Variants in ZNF605 observed in about 807,000 individuals in gnomAD.
The protein encoded by ZNF605 is zinc finger protein 605.
A neutral mutation model predicts 7.9 loss-of-function variants in ZNF605; 9 were observed. That is an observed-to-expected ratio of 1.14 (90% CI 0.68 to 1.98). The LOEUF is 1.98. ZNF605 is among the 30% of genes most tolerant of loss of function. ZNF605 has a pLI of 0.00. For missense variants in ZNF605, 673 were observed against 762.4 expected (o/e 0.88, Z 1.38); for synonymous variants, 255 against 260.1 (o/e 0.98, Z 0.19).
At chr12:132,932,656 C>A in intron 4 of ZNF605, 1 of 1,169,398 alleles carries the variant, frequency 8.6e-7, no homozygotes, top group South Asian at 1.5e-5. Context: ...GCCCACCTGT[C>A]ATCAAAAACC....
chr12:132,953,549 C>G (rs1952596187), intron 1 of ZNF605, among the ~76,000 whole-genome samples: 1 of 152,148 alleles, frequency 6.6e-6, no homozygotes, highest in African/African-American at 2.4e-5. Flanking sequence ...GCCTCAGCCT[C>G]CTGAGTAGGT....
In ZNF605 at chr12:132,938,989, G is replaced by A. The variant is rs768775242; in HGVS notation, c.16-5834C>T. The stretch of plus-strand genomic sequence containing the variant: ...CTCACCGAGCCTTAGCTGCCTCCCC[G>A]CGGGGCAGGGCTGGGCACCTGCAGC... On this transcript the variant is annotated intron_variant, in intron 3 of 4. Coordinates refer to ENST00000360187, the MANE Select transcript of ZNF605 (RefSeq NM_183238.4). Among the ~76,000 whole-genome samples, 29 of 151,782 alleles carry A rather than the reference G, an allele frequency of 1.9e-4. 1 individual carries two copies. The highest frequency in any genetic ancestry group is 3.9e-4 in the East Asian group (2 of 5,176).
chr12:132,949,028 G>A (rs1406210029), intron 1 of ZNF605, among the ~76,000 whole-genome samples: 4 of 152,084 alleles, frequency 2.6e-5, no homozygotes, highest in Non-Finnish European at 5.9e-5. Context: ...TTGGGGGAAA[G>A]GCTTATGGGG....
At chr12:132,945,281 C>A in intron 3 of ZNF605, 1 of 822,038 alleles carries the variant, frequency 1.2e-6, no homozygotes, top group Non-Finnish European at 2.0e-6. Flanking sequence ...TTGTATGTTT[C>A]TATAATCTAC....
chr12:132,946,553 A>C (rs1952496027), intron 2 of ZNF605, among the ~76,000 whole-genome samples: 1 of 152,222 alleles, frequency 6.6e-6, no homozygotes, highest in Non-Finnish European at 1.5e-5. Context: ...AATCAGCAGT[A>C]ACAGCCCAGC....
At chr12:132,931,919 A>C (rs1449084046) in intron 4 of ZNF605, among the ~76,000 whole-genome samples, 1 of 152,118 alleles carries the variant, frequency 6.6e-6, no homozygotes, top group Non-Finnish European at 1.5e-5. Context: ...ACTATGTTTA[A>C]GGTATTAGGG....
intron 3 of ZNF605, among the ~76,000 whole-genome samples, chr12:132,937,017 C>A (rs777635190): frequency 3.3e-5 from 5 of 152,126 alleles, no homozygotes; most frequent in Admixed American, 1.3e-4. Context: ...AAGAAAATAA[C>A]CTCATTTTAA....
At chr12:132,954,245 C>T (rs1019848943) in intron 1 of ZNF605, among the ~76,000 whole-genome samples, 6 of 148,582 alleles carry the variant, frequency 4.0e-5, no homozygotes, top group Non-Finnish European at 7.4e-5. Flanking sequence ...ACCAGCACCC[C>T]CAAAGCCCCA....
chr12:132,939,155 T>C (rs1952403827), intron 3 of ZNF605, among the ~76,000 whole-genome samples: 3 of 152,090 alleles, frequency 2.0e-5, no homozygotes, highest in Admixed American at 6.5e-5. Context: ...AGCGCAGGAC[T>C]GGCAGGCAGC....
chr12:132,943,884 G>A (rs1593597629), intron 3 of ZNF605, among the ~76,000 whole-genome samples: 2 of 152,124 alleles, frequency 1.3e-5, no homozygotes, highest in African/African-American at 2.4e-5. Context: ...ATTGCCGGGA[G>A]GTGAGGTATT....
rs917261974 is a variant in ZNF605 at position 132,921,683 on chromosome 12, T to C, written c.*3690A>G. On this transcript the variant is annotated 3_prime_UTR_variant, in exon 5 of 5. Transcript: ENST00000360187. ...CTGGCATTGTCGGAAATAGAAAACA[T>C]GTATAAAAATCTTCGAAATGCAGGT... The C allele has an allele frequency of 5.3e-5, 8 of 152,242 alleles. No individual in the cohort carries two copies. Among genetic ancestry groups the C allele is most frequent in the African/African-American group, 1.9e-4 (8 of 41,524 alleles). The allele number at this position is 152,242 out of a possible 1,614,324, so 9.4% of individuals were successfully genotyped here. A position where few individuals can be genotyped will look rare whatever the true frequency, so the allele number is the denominator to read the frequency against.
chr12:132,945,892 G>A, intron 2 of ZNF605, 95 bp from the exon 3 acceptor site: 1 of 613,070 alleles, frequency 1.6e-6, no homozygotes, highest in South Asian at 2.0e-5. Flanking sequence ...ATTATTTAAA[G>A]TCTCGAACTA....
intron 1 of ZNF605, among the ~76,000 whole-genome samples, chr12:132,954,797 C>G (rs1489526057): frequency 6.6e-6 from 1 of 152,036 alleles, no homozygotes; most frequent in Non-Finnish European, 1.5e-5. Flanking sequence ...CCGCAGGCCC[C>G]TCCAATGACG....
chr12:132,926,000 C>T lies in ZNF605; in HGVS notation c.1299G>A (p.Lys433=). ...CIQCGKTFFG[K]SQLLTHHRTH... The stretch of plus-strand genomic sequence containing the variant: ...TTCTGTGATGCGTTAGGAGCTGGGA[C>T]TTCCCAAAGAAGGTTTTCCCACATT... The change falls in exon 5 of 5, where the codon AAG becomes AAA. Residue 433 remains lysine (K), a synonymous_variant. Transcript: ENST00000360187. 2 of 1,614,178 alleles carry T rather than the reference C, an allele frequency of 1.2e-6. No homozygotes were observed. Among genetic ancestry groups the T allele is most frequent in the Non-Finnish European group, 1.7e-6 (2 of 1,180,034 alleles).
chr12:132,951,995 C>CAT (rs1346905600), intron 1 of ZNF605, among the ~76,000 whole-genome samples: 3 of 152,072 alleles, frequency 2.0e-5, no homozygotes, highest in African/African-American at 7.2e-5. Context: ...CACACACACA[C>CAT]AGTCTCATTT....
At position 132,924,920 on chromosome 12, in the gene ZNF605, G is replaced by T. The variant is rs1952232109; in HGVS notation, c.*453C>A. On this transcript the variant is annotated 3_prime_UTR_variant, in exon 5 of 5. Coordinates refer to ENST00000360187, the MANE Select transcript of ZNF605 (RefSeq NM_183238.4). ...TACAGAACTATTTCAATAGCATCAT[G>T]CTTGTCAAATTCTTTACATTATTGA... 6.5e-6 allele frequency: 1 copy of T among 154,244 alleles called. No individual in the cohort carries two copies. Among genetic ancestry groups the T allele is most frequent in the Admixed American group, 6.5e-5 (1 of 15,366 alleles). 9.6% of individuals were successfully genotyped at this position (154,244 alleles called of 1,614,324 possible).
At chr12:132,944,176 C>T (rs921966989) in intron 3 of ZNF605, among the ~76,000 whole-genome samples, 2 of 152,002 alleles carry the variant, frequency 1.3e-5, no homozygotes, top group Admixed American at 6.6e-5. Context: ...TCCTGCTTTC[C>T]GGAATGCCCT....
In ZNF605 at chr12:132,919,073, C is replaced by T. The variant is rs1349182147; in HGVS notation, c.*6300G>A. ...GGGGACGAATCTACACTAGACCTGCCTGGCTGCAGTGGTAACACTCCATTG... is the reference window on the plus strand; with the variant it reads ...GGGGACGAATCTACACTAGACCTGCTTGGCTGCAGTGGTAACACTCCATTG... On this transcript the variant is annotated 3_prime_UTR_variant, in exon 5 of 5. Coordinates refer to ENST00000360187, the MANE Select transcript of ZNF605 (RefSeq NM_183238.4). 6.6e-6 allele frequency: 1 copy of T among 152,296 alleles called. No individual in the cohort carries two copies. The highest frequency in any genetic ancestry group is 2.4e-5 in the African/African-American group (1 of 41,464). The allele number at this position is 152,296 out of a possible 1,614,324, so 9.4% of individuals were successfully genotyped here.
chr12:132,950,562 C>T (rs1237886676), intron 1 of ZNF605, among the ~76,000 whole-genome samples: 1 of 150,900 alleles, frequency 6.6e-6, no homozygotes, highest in African/African-American at 2.4e-5. Context: ...TACACCCGTA[C>T]ATCACACACA....
Sources: allele counts gnomAD v4.1 joint callset (sites outside exome capture counted in the v4.1 genomes callset), GRCh38; gene constraint gnomAD v4.1.1; transcripts MANE v1.5; gene names NCBI Gene and HGNC (gene_info 2026-07-23, HGNC 2026-07-21).